DNMT3A: variants seen among roughly 807,000 people sequenced by gnomAD.
DNMT3A encodes the protein DNA methyltransferase 3 alpha, also known as DNA (cytosine-5)-methyltransferase 3A.
Under a neutral mutation model 117.6 loss-of-function variants are expected in DNMT3A, and 267 were observed. The ratio of observed to expected loss-of-function variants is 2.27; its 90% CI spans 2.05 to 2.51. The LOEUF (loss-of-function observed/expected upper bound fraction) is 2.51, where lower values mean the gene tolerates loss of function less well. Among genes scored for constraint, DNMT3A ranks in the 30% most tolerant of loss-of-function variants. DNMT3A has a pLI of 0.00. For missense variants in DNMT3A, 1,029 were observed against 1,260.2 expected (o/e 0.82, Z 2.78); for synonymous variants, 432 against 474.8 (o/e 0.91, Z 1.17).
At position 25,252,180 on chromosome 2, in the gene DNMT3A, G is replaced by T; in HGVS notation, c.640-3928C>A. ...CCGCCCCCGGTCTCCCCGGGGCTCCGTCCAGGAACCTACCCATAAGGCCAG... is the reference window on the plus strand; with the variant it reads ...CCGCCCCCGGTCTCCCCGGGGCTCCTTCCAGGAACCTACCCATAAGGCCAG... On this transcript the variant is annotated intron_variant, in intron 6 of 22. Coordinates refer to ENST00000321117, the MANE Select transcript of DNMT3A (RefSeq NM_022552.5). The surrounding 1 kb of genome is among the most constrained non-coding windows in gnomAD (Gnocchi z 5.5). 6.4e-7 allele frequency: 1 copy of T among 1,565,478 alleles called. No individual in the cohort carries two copies. The highest frequency in any genetic ancestry group is 8.6e-7 in the Non-Finnish European group (1 of 1,157,014).
At chr2:25,295,627 T>G (rs770445347) in intron 3 of DNMT3A, among the ~76,000 whole-genome samples, 1 of 152,198 alleles carries the variant, frequency 6.6e-6, no homozygotes, top group Non-Finnish European at 1.5e-5. Flanking sequence ...AGGTACCCAG[T>G]AGCCAAACTG....
At chr2:25,239,371 T>C (rs1673722712) in intron 19 of DNMT3A, 156 bp from the exon 20 acceptor site, 9 of 691,180 alleles carry the variant, frequency 1.3e-5, no homozygotes, top group Admixed American at 1.2e-4. Flanking sequence ...GAAGCTGGAA[T>C]TACACCTAGC....
rs1190301862 is a variant in DNMT3A, at chr2:25,229,981, G to A, written c.*4298C>T. 1 of 152,200 alleles carries A rather than the reference G, an allele frequency of 6.6e-6. No individual in the cohort carries two copies. Among genetic ancestry groups the A allele is most frequent in the East Asian group, 1.9e-4 (1 of 5,198 alleles). 9.4% of individuals were successfully genotyped at this position (152,200 alleles called of 1,614,324 possible). On this transcript the variant is annotated 3_prime_UTR_variant, in exon 23 of 23. Transcript: ENST00000321117. ...GAGCTGGGCCCTGTGAGACCCCTTTGGTGTCAGCCTTCCTTCCTGCTGGGG... is the reference window on the plus strand; with the variant it reads ...GAGCTGGGCCCTGTGAGACCCCTTTAGTGTCAGCCTTCCTTCCTGCTGGGG...
Position 25,234,190 on chromosome 2 carries a change from T to A in DNMT3A, c.*89A>T. On this transcript the variant is annotated 3_prime_UTR_variant, in exon 23 of 23. Transcript: ENST00000321117. The surrounding 1 kb of genome is among the most constrained non-coding windows in gnomAD (Gnocchi z 4.5). ...TTCTGGGTGCTGATACTTCTCTCCA[T>A]CCTCATGTTCTTGGTGTTTTATTAT... 1 of 1,518,906 alleles carries A rather than the reference T, an allele frequency of 6.6e-7. No individual in the cohort carries two copies. The highest frequency in any genetic ancestry group is 1.3e-5 in the South Asian group (1 of 74,730). The allele number at this position is 1,518,906 out of a possible 1,614,324, so 94.1% of individuals were successfully genotyped here.
chr2:25,308,222 TA>T (rs2033888951), intron 2 of DNMT3A, among the ~76,000 whole-genome samples: 1 of 152,120 alleles, frequency 6.6e-6, no homozygotes, highest in Non-Finnish European at 1.5e-5. Flanking sequence ...ATATCCAAAA[TA>T]AATTATAAAG....
intron 2 of DNMT3A, among the ~76,000 whole-genome samples, chr2:25,312,776 A>T (rs1188555138): frequency 6.6e-6 from 1 of 152,204 alleles, no homozygotes; most frequent in Non-Finnish European, 1.5e-5. Flanking sequence ...CTGAGCACGC[A>T]AGAGGGAGGT....
At chr2:25,274,794 G>A in intron 6 of DNMT3A, 147 bp downstream of exon 6, 1 of 1,192,990 alleles carries the variant, frequency 8.4e-7, no homozygotes, top group Non-Finnish European at 1.1e-6. Flanking sequence ...ATCTGCTGAA[G>A]GAGCAGATGA....
intron 4 of DNMT3A, 61 bp from the exon 5 acceptor site, chr2:25,275,604 C>T: frequency 6.5e-7 from 1 of 1,531,148 alleles, no homozygotes; most frequent in Non-Finnish European, 8.7e-7. Flanking sequence ...TGGAGTGGCT[C>T]ACAGGCCCCA....
In DNMT3A at chr2:25,247,820, A is replaced by G; in HGVS notation, c.856-71T>C. On this transcript the variant is annotated intron_variant, in intron 7 of 22. Coordinates refer to ENST00000321117, the MANE Select transcript of DNMT3A (RefSeq NM_022552.5). The surrounding 1 kb of genome is among the most constrained non-coding windows in gnomAD (Gnocchi z 5.6). The stretch of plus-strand genomic sequence containing the variant: ...CCTGCCACCCTGATCCCCCCATGGC[A>G]ACCCCAGCCCTGGGCATCTGGGGGG... 6.3e-7 allele frequency: 1 copy of G among 1,578,886 alleles called. No individual in the cohort carries two copies. The highest frequency in any genetic ancestry group is 1.7e-5 in the Admixed American group (1 of 57,304).
intron 5 of DNMT3A, 89 bp downstream of exon 5, chr2:25,275,411 C>T (rs1474402023): frequency 6.7e-6 from 7 of 1,047,734 alleles, no homozygotes; most frequent in South Asian, 1.4e-5. Flanking sequence ...GGAGGAGGGG[C>T]CCACCCTCCG....
intron 1 of DNMT3A, among the ~76,000 whole-genome samples, chr2:25,330,094 C>T (rs185429696): frequency 1.1e-3 from 170 of 152,316 alleles, no homozygotes; most frequent in African/African-American, 3.7e-3. Flanking sequence ...ACTTGGTTTG[C>T]CTCTGCAAAA....
rs976244036 is a variant in DNMT3A at position 25,337,320 on chromosome 2, G to C, written c.-178+4506C>G. On this transcript the variant is annotated intron_variant, in intron 1 of 22. Coordinates refer to ENST00000321117, the MANE Select transcript of DNMT3A (RefSeq NM_022552.5). The surrounding 1 kb of genome is among the most constrained non-coding windows in gnomAD (Gnocchi z 5.0). ...ACAGGAAGGTGGACGAGGCTTCTTA[G>C]AGCACTTCCTGCAGTGCTAGTCCAC... is the stretch of plus-strand genomic sequence containing the variant. Among the ~76,000 whole-genome samples the C allele has an allele frequency of 2.0e-5, 3 of 152,198 alleles. No individual in the cohort carries two copies. The highest frequency in any genetic ancestry group is 4.4e-5 in the Non-Finnish European group (3 of 68,040).
Position 25,247,744 on chromosome 2 carries a change from GCCGTCCTGGAGCC to G in DNMT3A, c.856-8_860del. 1 of 1,612,208 alleles carries G rather than the reference GCCGTCCTGGAGCC, an allele frequency of 6.2e-7. No homozygotes were observed. Among genetic ancestry groups the G allele is most frequent in the Non-Finnish European group, 8.5e-7 (1 of 1,179,990 alleles). On this transcript the variant is annotated splice_acceptor_variant and splice_polypyrimidine_tract_variant and coding_sequence_variant and intron_variant, in exon 8 of 23. Coordinates refer to ENST00000321117, the MANE Select transcript of DNMT3A (RefSeq NM_022552.5). LOFTEE classifies it high-confidence loss of function. This position sits in a 1 kb window ranked among gnomAD's most constrained non-coding sequence, Gnocchi z 5.6. ...CCAGCTCCCCAATGCCAAAGCCCCG[GCCGTCCTGGAGCC>G]CCAAGGAGCAGAAATCATTACACAG... is the stretch of plus-strand genomic sequence containing the variant.
chr2:25,255,279 T>C (rs1189684893), intron 6 of DNMT3A, among the ~76,000 whole-genome samples: 1 of 152,198 alleles, frequency 6.6e-6, no homozygotes, highest in Non-Finnish European at 1.5e-5. Flanking sequence ...GATCCTCAGG[T>C]CACACATGCT....
At chr2:25,300,719 ATATAT>A (rs1372358052) in intron 2 of DNMT3A, among the ~76,000 whole-genome samples, 171 of 6,708 alleles carry the variant, frequency 0.025, 12 homozygotes, top group African/African-American at 0.085. Context: ...TATAATATAT[ATATAT>A]ATATATATAT....
chr2:25,290,324 T>C (rs1024512444), intron 3 of DNMT3A, among the ~76,000 whole-genome samples: 9 of 150,458 alleles, frequency 6.0e-5, no homozygotes, highest in Admixed American at 5.3e-4. Flanking sequence ...GAAGTGATTT[T>C]TTTTTTTTTT....
intron 6 of DNMT3A, among the ~76,000 whole-genome samples, chr2:25,256,291 C>T (rs906225310): frequency 6.6e-6 from 1 of 152,150 alleles, no homozygotes; most frequent in African/African-American, 2.4e-5. Context: ...AATCTGGAGG[C>T]CTCCGTGTGA....
At chr2:25,249,976 A>G (rs1263135294) in intron 6 of DNMT3A, among the ~76,000 whole-genome samples, 1 of 152,224 alleles carries the variant, frequency 6.6e-6, no homozygotes, top group Non-Finnish European at 1.5e-5. Context: ...GAAGAGCTCT[A>G]ATCTGAAGTT....
intron 6 of DNMT3A, among the ~76,000 whole-genome samples, chr2:25,249,439 C>G (rs1019158932): frequency 1.3e-5 from 2 of 152,232 alleles, no homozygotes; most frequent in Non-Finnish European, 2.9e-5. Context: ...TTCCCATGCT[C>G]AGACGCCATG....
Sources: gnomAD v4.1 joint callset for allele counts (sites outside exome capture counted in the v4.1 genomes callset) on GRCh38, gnomAD v4.1.1 for gene constraint, Gnocchi (gnomAD v3.1) non-coding constraint, MANE v1.5 for transcripts, NCBI Gene and HGNC (gene_info 2026-07-23, HGNC 2026-07-21) for gene names.